ENPP6: variants seen among roughly 807,000 people sequenced by gnomAD.
ENPP6 encodes ectonucleotide pyrophosphatase/phosphodiesterase 6, also known as glycerophosphocholine cholinephosphodiesterase ENPP6.
A neutral mutation model predicts 42.0 loss-of-function variants in ENPP6; 32 were observed. The ratio of observed to expected loss-of-function variants is 0.76; its 90% CI spans 0.58 to 1.02. The LOEUF is 1.02. Among genes scored for constraint, ENPP6 ranks in the 50% least tolerant of loss-of-function variants. The pLI, the probability that ENPP6 is intolerant of heterozygous loss-of-function variation, is 0.00. For missense variants in ENPP6, 552 were observed against 566.8 expected (o/e 0.97, Z 0.27); for synonymous variants, 213 against 216.0 (o/e 0.99, Z 0.12).
At chr4:184,168,545 C>G (rs1013046160) in intron 1 of ENPP6, among the ~76,000 whole-genome samples, 1 of 152,228 alleles carries the variant, frequency 6.6e-6, no homozygotes, top group Non-Finnish European at 1.5e-5. Context: ...CGCGGGGCTC[C>G]GGACAGCAAG....
chr4:184,092,886 GCAAA>G (rs1412007767), intron 7 of ENPP6, among the ~76,000 whole-genome samples: 1 of 152,140 alleles, frequency 6.6e-6, no homozygotes, highest in Admixed American at 6.5e-5. Flanking sequence ...TAGTTAAAAA[GCAAA>G]CAAACAACAA....
intron 6 of ENPP6, among the ~76,000 whole-genome samples, chr4:184,098,386 G>T (rs1250051352): frequency 6.6e-6 from 1 of 152,198 alleles, no homozygotes; most frequent in Non-Finnish European, 1.5e-5. Flanking sequence ...TAGGGAACCA[G>T]TATCTATCTA....
chr4:184,173,736 C>T (rs1737513860), intron 1 of ENPP6, among the ~76,000 whole-genome samples: 1 of 152,146 alleles, frequency 6.6e-6, no homozygotes, highest in Admixed American at 6.5e-5. Flanking sequence ...AAACACCCAC[C>T]CATTTCTGGA....
intron 1 of ENPP6, among the ~76,000 whole-genome samples, chr4:184,157,575 C>CT (rs1354022219): frequency 2.9e-5 from 4 of 136,026 alleles, no homozygotes; most frequent in African/African-American, 1.1e-4. Flanking sequence ...CCTTTCTTTC[C>CT]TTTTTTTCCT....
chr4:184,164,303 A>G (rs1401970541), intron 1 of ENPP6, among the ~76,000 whole-genome samples: 6 of 152,236 alleles, frequency 3.9e-5, no homozygotes, highest in Admixed American at 3.3e-4. Context: ...TTCTAAGGGC[A>G]TCTCTTATGG....
chr4:184,163,526 C>T (rs1737300693), intron 1 of ENPP6, among the ~76,000 whole-genome samples: 1 of 152,042 alleles, frequency 6.6e-6, no homozygotes, highest in Non-Finnish European at 1.5e-5. Context: ...ATGCTGATTT[C>T]AAGGTGAAAG....
intron 2 of ENPP6, among the ~76,000 whole-genome samples, chr4:184,138,960 A>T (rs909124665): frequency 2.6e-5 from 4 of 152,320 alleles, no homozygotes; most frequent in East Asian, 1.9e-4. Flanking sequence ...ATGATTACAG[A>T]CTCAGATAAT....
At chr4:184,125,688 A>G (rs4431268) in intron 2 of ENPP6, among the ~76,000 whole-genome samples, 102,800 of 151,896 alleles carry the variant, frequency 0.68, 35,098 homozygotes, top group African/African-American at 0.73. Context: ...GATATGTTGG[A>G]TTCAGGGAGA....
At chr4:184,143,959 C>T (rs1196197145) in intron 2 of ENPP6, among the ~76,000 whole-genome samples, 1 of 152,246 alleles carries the variant, frequency 6.6e-6, no homozygotes, top group Non-Finnish European at 1.5e-5. Context: ...AGTGCCACCT[C>T]TCTGTCCCAC....
intron 1 of ENPP6, among the ~76,000 whole-genome samples, chr4:184,216,362 T>C (rs764967867): frequency 6.6e-6 from 1 of 152,230 alleles, no homozygotes; most frequent in Non-Finnish European, 1.5e-5. Context: ...GTCTGATTTT[T>C]TTCTCTCTCT....
At chr4:184,154,981 A>G (rs945612749) in intron 1 of ENPP6, among the ~76,000 whole-genome samples, 7 of 152,170 alleles carry the variant, frequency 4.6e-5, no homozygotes, top group African/African-American at 1.7e-4. Flanking sequence ...AGAGATTCCA[A>G]TCTGAATAAA....
At chr4:184,106,907 G>T (rs895152100) in intron 6 of ENPP6, among the ~76,000 whole-genome samples, 1 of 152,202 alleles carries the variant, frequency 6.6e-6, no homozygotes, top group Non-Finnish European at 1.5e-5. Flanking sequence ...CGGCCTTCAC[G>T]GTCGGGGATG....
rs918617626 is a variant in ENPP6 at position 184,172,223 on chromosome 4, G to C, written c.242-18490C>G. 3.3e-5 allele frequency among the ~76,000 whole-genome samples: 5 copies of C among 152,232 alleles called. No individual in the cohort carries two copies. In the East Asian group the frequency reaches 5.8e-4, roughly 18 times the overall value. On this transcript the variant is annotated intron_variant, in intron 1 of 7. Transcript: ENST00000296741. ...TGTTGGGAGGATTTAGATTTTACTC[G>C]AGGCATAATGGAAAATGCAGGCGGG...
intron 2 of ENPP6, among the ~76,000 whole-genome samples, chr4:184,150,049 C>A (rs892963002): frequency 1.3e-5 from 2 of 152,202 alleles, no homozygotes; most frequent in East Asian, 3.9e-4. Flanking sequence ...TCAGCTCTTA[C>A]TCCTTGCAGT....
chr4:184,099,725 T>C (rs1735968422), intron 6 of ENPP6, among the ~76,000 whole-genome samples: 1 of 152,214 alleles, frequency 6.6e-6, no homozygotes, highest in South Asian at 2.1e-4. Flanking sequence ...CCAGCTGTGG[T>C]TCGTGTTTTT....
At chr4:184,141,529 G>A (rs144926466) in intron 2 of ENPP6, among the ~76,000 whole-genome samples, 109 of 152,344 alleles carry the variant, frequency 7.2e-4, no homozygotes, top group Non-Finnish European at 1.1e-3. Context: ...CTTTGAGGGC[G>A]TGGTTTAGCT....
At chr4:184,119,964 C>G (rs1429063775) in intron 3 of ENPP6, among the ~76,000 whole-genome samples, 1 of 152,176 alleles carries the variant, frequency 6.6e-6, no homozygotes, top group Non-Finnish European at 1.5e-5. Flanking sequence ...ATTACCCAGT[C>G]TTAGGTATGT....
chr4:184,174,159 A>G (rs935137434), intron 1 of ENPP6, among the ~76,000 whole-genome samples: 2 of 142,664 alleles, frequency 1.4e-5, no homozygotes, highest in African/African-American at 5.3e-5. Flanking sequence ...TTTTTCCGAG[A>G]CGGAATCTCA....
At chr4:184,180,750 T>C (rs1375137448) in intron 1 of ENPP6, among the ~76,000 whole-genome samples, 2 of 152,066 alleles carry the variant, frequency 1.3e-5, no homozygotes, top group Non-Finnish European at 2.9e-5. Flanking sequence ...ACAGAACTAA[T>C]GACAAAAACC....
Sources: allele counts gnomAD v4.1 joint callset (sites outside exome capture counted in the v4.1 genomes callset), GRCh38; gene constraint gnomAD v4.1.1; transcripts MANE v1.5; gene names NCBI Gene and HGNC (gene_info 2026-07-23, HGNC 2026-07-21).